TOR1B: variants seen among roughly 807,000 people sequenced by gnomAD.
TOR1B encodes torsin-1B.
TOR1B carries 14 observed loss-of-function variants against 29.2 expected under a neutral mutation model. The observed-to-expected ratio is 0.48, with a 90% CI of 0.32 to 0.75. The LOEUF (loss-of-function observed/expected upper bound fraction) is 0.75. TOR1B is among the 30% of genes least tolerant of loss of function. The probability of loss-of-function intolerance (pLI) is 0.04; values close to 1 mark genes in which losing one functional copy is unlikely to be tolerated. For missense variants in TOR1B, 400 were observed against 433.9 expected (o/e 0.92, Z 0.69); for synonymous variants, 166 against 179.8 (o/e 0.92, Z 0.62).
In TOR1B at chr9:129,810,346, T is replaced by TTGG. The variant is rs1554733986; in HGVS notation, c.*763_*764insTGG. Reference sequence around the variant, plus strand: ...TGATCTGAGCTGACCTGTGTGTGTGTGTGTGGGGGGGTGGGGCCTTCACCT... The same window carrying TTGG: ...TGATCTGAGCTGACCTGTGTGTGTGTTGGGTGTGGGGGGGTGGGGCCTTCACCT... On this transcript the variant is annotated 3_prime_UTR_variant, in exon 5 of 5. Transcript: ENST00000259339. 4.5e-6 allele frequency: 4 copies of TTGG among 885,112 alleles called. No individual in the cohort carries two copies. The African/African-American group carries it at 9.3e-5, about 21-fold the overall frequency. The allele number at this position is 885,112 out of a possible 1,614,324, so 54.8% of individuals were successfully genotyped here. A position where few individuals can be genotyped will look rare whatever the true frequency, so the allele number is the denominator to read the frequency against.
Position 129,810,312 on chromosome 9 carries a change from G to T in TOR1B, c.*729G>T. Reference sequence around the variant, plus strand: ...ACCGGAGGATGTGGCCGTGCCCGCCGAGCACTCTTGATCTGAGCTGACCTG... The same window carrying T: ...ACCGGAGGATGTGGCCGTGCCCGCCTAGCACTCTTGATCTGAGCTGACCTG... On this transcript the variant is annotated 3_prime_UTR_variant, in exon 5 of 5. Transcript: ENST00000259339. The T allele has an allele frequency of 1.5e-6, 2 of 1,299,946 alleles. No homozygotes were observed. The highest frequency in any genetic ancestry group is 2.0e-6 in the Non-Finnish European group (2 of 987,832). 80.5% of individuals were successfully genotyped at this position (1,299,946 alleles called of 1,614,324 possible).
chr9:129,810,509 C>A lies in TOR1B; in HGVS notation c.*926C>A. The A allele has an allele frequency of 2.0e-6, 2 of 1,006,474 alleles. No individual in the cohort carries two copies. The highest frequency in any genetic ancestry group is 2.1e-5 in the South Asian group (1 of 48,182). 62.3% of individuals were successfully genotyped at this position (1,006,474 alleles called of 1,614,324 possible). On this transcript the variant is annotated 3_prime_UTR_variant, in exon 5 of 5. Coordinates refer to ENST00000259339, the MANE Select transcript of TOR1B (RefSeq NM_014506.3). The stretch of plus-strand genomic sequence containing the variant: ...CAGCCTGCCTTGTGCCATATCTCAG[C>A]TTGGATCTCTGCTAGAGTCCCCCCA...
rs1396744431 is a variant in TOR1B at position 129,804,086 on chromosome 9, T to C, written c.213T>C (p.Asp71=). ...RPLNASALKL[D]LEEKLFGQHL... is the part of the protein sequence containing the mutation. Reference sequence around the variant, plus strand: ...CTGTTCTTGCAGCTCTCAAGCTGGATTTGGAGGAGAAGCTGTTTGGACAGC... The same window carrying C: ...CTGTTCTTGCAGCTCTCAAGCTGGACTTGGAGGAGAAGCTGTTTGGACAGC... Residue 71 remains aspartate (D), a synonymous_variant, in exon 2 of 5, where the codon GAT becomes GAC. Transcript: ENST00000259339. The C allele has an allele frequency of 9.3e-6, 15 of 1,614,160 alleles. No homozygotes were observed. Among genetic ancestry groups the C allele is most frequent in the Non-Finnish European group, 1.3e-5 (15 of 1,180,010 alleles).
intron 2 of TOR1B, 129 bp from the exon 3 acceptor site, chr9:129,807,059 G>A (rs917344758): frequency 2.5e-6 from 2 of 789,924 alleles, no homozygotes; most frequent in Non-Finnish European, 4.0e-6. Context: ...CCTAGCGAGT[G>A]GGGGTGAGGG....
At chr9:129,808,760 C>A (rs763390689) in intron 3 of TOR1B, 145 bp from the exon 4 acceptor site, 108 of 890,338 alleles carry the variant, frequency 1.2e-4, no homozygotes, top group Non-Finnish European at 1.6e-4. Context: ...CTATGTTGGT[C>A]AGGCTGGCCT....
intron 3 of TOR1B, among the ~76,000 whole-genome samples, chr9:129,808,677 G>A (rs1323699920): frequency 4.0e-5 from 6 of 148,504 alleles, no homozygotes; most frequent in African/African-American, 1.5e-4. Flanking sequence ...AGCCTCCCAT[G>A]TAGCTGGGAT....
At position 129,809,626 on chromosome 9, in the gene TOR1B, A is replaced by G; in HGVS notation, c.*43A>G. On this transcript the variant is annotated 3_prime_UTR_variant, in exon 5 of 5. Transcript: ENST00000259339. ...GTAGGAGACAGCTGGGAGGCTCCGC[A>G]CGCCAGAGGCCTTGCCTTTCAGAAG... 6.2e-7 allele frequency: 1 copy of G among 1,610,224 alleles called. No homozygotes were observed. The highest frequency in any genetic ancestry group is 8.5e-7 in the Non-Finnish European group (1 of 1,177,300).
chr9:129,809,585 C>T lies in TOR1B; in HGVS notation c.*2C>T, dbSNP rs78211824. On this transcript the variant is annotated 3_prime_UTR_variant, in exon 5 of 5. Coordinates refer to ENST00000259339, the MANE Select transcript of TOR1B (RefSeq NM_014506.3). ...CAGTCGCGGCTGGATTTCCACTGAG[C>T]TCCTATCCAGATGGGGTAGGAGACA... 12,246 of 1,614,162 alleles carry T rather than the reference C, an allele frequency of 7.6e-3. 801 individuals are homozygous for T. The African/African-American group carries it at 0.14, about 19-fold the overall frequency.
Position 129,804,054 on chromosome 9 carries a change from T to C in TOR1B, c.200-19T>C. The stretch of plus-strand genomic sequence containing the variant: ...TTTTAAGGTCTGTTTCTCTCTTTGT[T>C]CTGGGGCTGTTCTTGCAGCTCTCAA... On this transcript the variant is annotated intron_variant, in intron 1 of 4. Transcript: ENST00000259339. The C allele has an allele frequency of 1.9e-6, 3 of 1,613,460 alleles. No individual in the cohort carries two copies. Among genetic ancestry groups the C allele is most frequent in the Non-Finnish European group, 2.5e-6 (3 of 1,179,558 alleles).
At chr9:129,806,120 C>CAA (rs34263616) in intron 2 of TOR1B, among the ~76,000 whole-genome samples, 51 of 122,634 alleles carry the variant, frequency 4.2e-4, no homozygotes, top group Non-Finnish European at 6.4e-4. Flanking sequence ...GACTCTATCT[C>CAA]AAAAAAAAAA....
intron 1 of TOR1B, 141 bp from the exon 2 acceptor site, chr9:129,803,932 C>T (rs2030313852): frequency 9.5e-7 from 1 of 1,054,682 alleles, no homozygotes; most frequent in Non-Finnish European, 1.4e-6. Flanking sequence ...CGTTTGACTG[C>T]CTCGGCCCTA....
intron 4 of TOR1B, 40 bp downstream of exon 4, chr9:129,809,072 C>A: frequency 6.4e-7 from 1 of 1,566,844 alleles, no homozygotes. Flanking sequence ...AACTGTCCAG[C>A]AGTGAGCCGT....
chr9:129,804,510 C>G (rs573601446), intron 2 of TOR1B, 172 bp downstream of exon 2: 1 of 827,978 alleles, frequency 1.2e-6, no homozygotes, highest in Admixed American at 2.8e-5. Context: ...CAACATTTCT[C>G]TTACTTGGTT....
chr9:129,807,270 A>T lies in TOR1B; in HGVS notation c.548A>T (p.His183Leu). ...ATATTTGACGAGATGGATAAATTGC[A>T]CCCCGGGATCATTGACGCAATCAAG... ...VFIFDEMDKL[H>L]PGIIDAIKPF... The change falls in exon 3 of 5, where the codon CAC becomes CTC. Residue 183 changes from histidine (H) to leucine (L), a missense_variant. Transcript: ENST00000259339. The T allele has an allele frequency of 6.2e-7, 1 of 1,614,038 alleles. No homozygotes were observed. The highest frequency in any genetic ancestry group is 1.1e-5 in the South Asian group (1 of 91,070).
At position 129,807,434 on chromosome 9, in the gene TOR1B, A is replaced by T. The variant is rs1005180163; in HGVS notation, c.641+71A>T. The T allele has an allele frequency of 1.7e-5, 27 of 1,563,306 alleles. 1 individual carries two copies. The highest frequency in any genetic ancestry group is 3.8e-4 in the Middle Eastern group (2 of 5,232). On this transcript the variant is annotated intron_variant, in intron 3 of 4. Coordinates refer to ENST00000259339, the MANE Select transcript of TOR1B (RefSeq NM_014506.3). ...TCAATGATAAAATGAGGTCCTGAGG[A>T]CCATCAGCACTTTGTTTACCAGGAC...
chr9:129,808,201 GA>G (rs1199173265), intron 3 of TOR1B, among the ~76,000 whole-genome samples: 1 of 151,970 alleles, frequency 6.6e-6, no homozygotes, highest in Non-Finnish European at 1.5e-5. Flanking sequence ...ATTCCTTGAT[GA>G]AAAATAGATC....
intron 2 of TOR1B, among the ~76,000 whole-genome samples, chr9:129,805,986 T>C (rs2030455577): frequency 6.6e-6 from 1 of 151,942 alleles, no homozygotes; most frequent in Non-Finnish European, 1.5e-5. Flanking sequence ...CCAGGTGTAG[T>C]GGCATGCACC....
intron 1 of TOR1B, 133 bp from the exon 2 acceptor site, chr9:129,803,940 C>T: frequency 8.5e-7 from 1 of 1,178,230 alleles, no homozygotes; most frequent in Non-Finnish European, 1.2e-6. Context: ...TGCCTCGGCC[C>T]TAGGGTGTGG....
chr9:129,804,046 C>G, intron 1 of TOR1B, 27 bp from the exon 2 acceptor site: 1 of 1,612,186 alleles, frequency 6.2e-7, no homozygotes, highest in South Asian at 1.1e-5. Flanking sequence ...GTCTGTTTCT[C>G]TCTTTGTTCT....
Sources: allele counts gnomAD v4.1 joint callset (sites outside exome capture counted in the v4.1 genomes callset), GRCh38; gene constraint gnomAD v4.1.1; transcripts MANE v1.5; gene names NCBI Gene and HGNC (gene_info 2026-07-23, HGNC 2026-07-21).